HS3ST5: variants seen among roughly 807,000 people sequenced by gnomAD.
HS3ST5 encodes heparan sulfate glucosamine 3-O-sulfotransferase 5.
HS3ST5 carries 10 observed loss-of-function variants against 25.4 expected under a neutral mutation model. The observed-to-expected ratio is 0.39, with a 90% CI of 0.24 to 0.67. The LOEUF is 0.67. Among genes scored for constraint, HS3ST5 ranks in the 30% least tolerant of loss-of-function variants. HS3ST5 has a pLI of 0.44. For missense variants in HS3ST5, 324 were observed against 420.7 expected, an observed-to-expected ratio of 0.77 and a Z score of 2.01; for synonymous variants, 170 against 162.4, an observed-to-expected ratio of 1.05 and a Z score of -0.36.
intron 2 of HS3ST5, among the ~76,000 whole-genome samples, chr6:114,184,295 A>C (rs893813354): frequency 6.6e-6 from 1 of 152,078 alleles, no homozygotes. Flanking sequence ...ATTATTAAGC[A>C]AAAAGGAACT....
chr6:114,298,957 TG>T (rs1174071258), intron 1 of HS3ST5, among the ~76,000 whole-genome samples: 1 of 152,148 alleles, frequency 6.6e-6, no homozygotes, highest in Non-Finnish European at 1.5e-5. Flanking sequence ...ATATGAAATC[TG>T]GGCACCTTAA....
chr6:114,061,913 A>G (rs1408774510), intron 4 of HS3ST5, among the ~76,000 whole-genome samples: 1 of 152,142 alleles, frequency 6.6e-6, no homozygotes, highest in East Asian at 1.9e-4. Flanking sequence ...ACGCCATTGC[A>G]CTCTAGCTTG....
At chr6:114,250,448 G>A (rs56388015) in intron 1 of HS3ST5, among the ~76,000 whole-genome samples, 94 of 152,186 alleles carry the variant, frequency 6.2e-4, no homozygotes, top group African/African-American at 2.2e-3. Flanking sequence ...GGGCGTGGTG[G>A]CAGGCGCCTG....
At chr6:114,233,808 A>G (rs1218543726) in intron 1 of HS3ST5, among the ~76,000 whole-genome samples, 1 of 152,222 alleles carries the variant, frequency 6.6e-6, no homozygotes, top group Non-Finnish European at 1.5e-5. Flanking sequence ...GAACAAAAGG[A>G]TCTTCAGAGA....
In HS3ST5 at chr6:114,057,456, T is replaced by C. The variant is rs762189049; in HGVS notation, c.842A>G (p.Gln281Arg). The C allele has an allele frequency of 5.6e-6, 9 of 1,614,056 alleles. No homozygotes were observed. Among genetic ancestry groups the C allele is most frequent in the Non-Finnish European group, 7.6e-6 (9 of 1,180,032 alleles). Reference protein sequence around the residue: ...KFLNLPPRISQYNLYFNATRG... With the variant: ...KFLNLPPRISRYNLYFNATRG... Reference sequence around the variant, plus strand: ...GGTAGCATTGAAGTATAAATTGTATTGACTTATCCTTGGAGGCAGATTTAG... The same window carrying C: ...GGTAGCATTGAAGTATAAATTGTATCGACTTATCCTTGGAGGCAGATTTAG... Residue 281 changes from glutamine to arginine, a missense_variant, in exon 5 of 5, where the codon CAA (glutamine) becomes CGA (arginine). Gln to Arg is a conservative substitution (Grantham distance 43). Coordinates refer to ENST00000312719, the MANE Select transcript of HS3ST5 (RefSeq NM_153612.4).
chr6:114,245,825 C>G (rs540801332), intron 1 of HS3ST5, among the ~76,000 whole-genome samples: 1 of 152,310 alleles, frequency 6.6e-6, no homozygotes, highest in African/African-American at 2.4e-5. Flanking sequence ...GTTATGCATA[C>G]AGGTGGGAAA....
chr6:114,316,755 G>C (rs1775763391), intron 1 of HS3ST5, among the ~76,000 whole-genome samples: 2 of 152,134 alleles, frequency 1.3e-5, no homozygotes, highest in South Asian at 4.1e-4. Context: ...CAAGTCAATT[G>C]AATCAACAGC....
At chr6:114,108,339 C>A (rs1194947689) in intron 3 of HS3ST5, among the ~76,000 whole-genome samples, 2 of 152,116 alleles carry the variant, frequency 1.3e-5, no homozygotes, top group Non-Finnish European at 2.9e-5. Flanking sequence ...AACTAGACAG[C>A]AAAGGAACTG....
At chr6:114,098,465 G>T in intron 3 of HS3ST5, among the ~76,000 whole-genome samples, 1 of 148,322 alleles carries the variant, frequency 6.7e-6, no homozygotes, top group East Asian at 1.9e-4. Flanking sequence ...AGACTTTATG[G>T]CCACTCTCAA....
chr6:114,310,736 G>A (rs184979539), intron 1 of HS3ST5, among the ~76,000 whole-genome samples: 1 of 152,218 alleles, frequency 6.6e-6, no homozygotes, highest in East Asian at 1.9e-4. Flanking sequence ...AAATCATTAA[G>A]TTGAACCTTG....
chr6:114,111,210 T>C (rs1018130134), intron 3 of HS3ST5, among the ~76,000 whole-genome samples: 4 of 152,222 alleles, frequency 2.6e-5, no homozygotes, highest in African/African-American at 7.2e-5. Flanking sequence ...CTGGTTTCAA[T>C]GGAGCATAAC....
chr6:114,168,104 T>A (rs557205363), intron 3 of HS3ST5, among the ~76,000 whole-genome samples: 3 of 152,206 alleles, frequency 2.0e-5, no homozygotes, highest in African/African-American at 7.2e-5. Flanking sequence ...AAAAAATTTT[T>A]AAAAAAGAAT....
At chr6:114,288,489 C>G (rs1774433828) in intron 1 of HS3ST5, among the ~76,000 whole-genome samples, 1 of 152,054 alleles carries the variant, frequency 6.6e-6, no homozygotes, top group Non-Finnish European at 1.5e-5. Flanking sequence ...GCTATCTTTC[C>G]TTTTTCTAAT....
At chr6:114,326,612 T>C (rs1179502219) in intron 1 of HS3ST5, among the ~76,000 whole-genome samples, 5 of 152,216 alleles carry the variant, frequency 3.3e-5, no homozygotes, top group Admixed American at 6.5e-5. Context: ...AGTTGAAATA[T>C]TGAGTTGTCA....
In HS3ST5 at chr6:114,294,441, C is replaced by CTTT. The variant is rs57443813; in HGVS notation, c.-339+47751_-339+47753dup. Among the ~76,000 whole-genome samples the CTTT allele has an allele frequency of 5.5e-3, 618 of 112,898 alleles. 12 individuals carry two copies. The highest frequency in any genetic ancestry group is 0.014 in the African/African-American group (395 of 27,968). The allele number at this position is 112,898 out of a possible 152,430, so 74.1% of individuals were successfully genotyped here. The stretch of plus-strand genomic sequence containing the variant: ...ATATGGCTAAGGTCAAGGTTAGAAA[C>CTTT]TTTTTTTTTTTTTTTTTTTTTTGAG... On this transcript the variant is annotated intron_variant, in intron 1 of 4. Coordinates refer to ENST00000312719, the MANE Select transcript of HS3ST5 (RefSeq NM_153612.4).
intron 3 of HS3ST5, among the ~76,000 whole-genome samples, 188 bp from the exon 4 acceptor site, chr6:114,063,065 T>A (rs1773228764): frequency 6.6e-6 from 1 of 152,254 alleles, no homozygotes; most frequent in African/African-American, 2.4e-5. Context: ...GACCATGTTA[T>A]AAGATCAAAT....
At chr6:114,216,912 G>C (rs1275418640) in intron 2 of HS3ST5, among the ~76,000 whole-genome samples, 1 of 152,046 alleles carries the variant, frequency 6.6e-6, no homozygotes, top group Non-Finnish European at 1.5e-5. Flanking sequence ...TCAGGCAGTT[G>C]CATTTCTCTG....
At chr6:114,119,687 A>G (rs1180280553) in intron 3 of HS3ST5, among the ~76,000 whole-genome samples, 1 of 152,210 alleles carries the variant, frequency 6.6e-6, no homozygotes. Flanking sequence ...AGCATATTCA[A>G]TTACAATAAT....
chr6:114,256,754 C>T (rs1328659990), intron 1 of HS3ST5, among the ~76,000 whole-genome samples: 3 of 152,204 alleles, frequency 2.0e-5, no homozygotes, highest in Admixed American at 1.3e-4. Context: ...CTGTTCCAAC[C>T]TCTGCCTGTT....
Sources: gnomAD v4.1 joint callset for allele counts (sites outside exome capture counted in the v4.1 genomes callset) on GRCh38, gnomAD v4.1.1 for gene constraint, MANE v1.5 for transcripts, NCBI Gene and HGNC (gene_info 2026-07-23, HGNC 2026-07-21) for gene names.